Variants in USO1 observed in about 807,000 individuals in gnomAD.
USO1 encodes general vesicular transport factor p115.
In USO1, 57 loss-of-function variants were observed where a neutral mutation model predicts 124.5. That is an observed-to-expected ratio of 0.46 (90% CI 0.37 to 0.57). USO1 has a LOEUF of 0.57. Among genes scored for constraint, USO1 ranks in the 20% least tolerant of loss-of-function variants. USO1 has a pLI of 0.00. For synonymous variants in USO1, 369 were observed against 362.8 expected, an observed-to-expected ratio of 1.02 and a Z score of -0.19; for missense variants, 900 against 1,040.6, an observed-to-expected ratio of 0.86 and a Z score of 1.86.
intron 21 of USO1, among the ~76,000 whole-genome samples, chr4:75,809,482 TAAC>T (rs1577977218): frequency 1.3e-5 from 2 of 152,304 alleles, no homozygotes; most frequent in Admixed American, 6.5e-5. Flanking sequence ...CTCTCACATT[TAAC>T]TTTAAGCAAC....
At position 75,805,163 on chromosome 4, in the gene USO1, T is replaced by C. The variant is rs1722957175; in HGVS notation, c.2149T>C (p.Ser717Pro). The C allele has an allele frequency of 6.2e-7, 1 of 1,604,554 alleles. No homozygotes were observed. Among genetic ancestry groups the C allele is most frequent in the Admixed American group, 1.7e-5 (1 of 58,264 alleles). The change falls in exon 19 of 24, where the codon TCT becomes CCT. Residue 717 changes from serine (S) to proline (P), a missense_variant. By Grantham distance (74) the Ser-to-Pro change is moderately conservative. Coordinates refer to ENST00000514213, the MANE Select transcript of USO1 (RefSeq NM_003715.4). The stretch of plus-strand genomic sequence containing the variant: ...AGGAAAAGACAATCAGCATCAAGGT[T>C]CTTACAGTGAGGGGGCTCAGATGAA... ...QLGKDNQHQG[S>P]YSEGAQMNGI...
intron 8 of USO1, among the ~76,000 whole-genome samples, chr4:75,782,416 G>A (rs1269012851): frequency 6.6e-6 from 1 of 152,178 alleles, no homozygotes; most frequent in African/African-American, 2.4e-5. Context: ...CTGAAGAAAT[G>A]ATGTTTAAGC....
intron 19 of USO1, 72 bp downstream of exon 19, chr4:75,805,375 T>TTTC: frequency 2.9e-6 from 4 of 1,375,210 alleles, no homozygotes; most frequent in South Asian, 1.6e-5. Context: ...TTTTTTTTTT[T>TTTC]CCTTGGATCT....
At chr4:75,793,270 C>T (rs1002900621) in intron 12 of USO1, among the ~76,000 whole-genome samples, 31 of 138,908 alleles carry the variant, frequency 2.2e-4, no homozygotes, top group Non-Finnish European at 3.5e-4. Context: ...AGTGCAGTGG[C>T]GCAGTCCATA....
At chr4:75,810,793 C>T (rs900424064) in intron 22 of USO1, among the ~76,000 whole-genome samples, 4 of 152,096 alleles carry the variant, frequency 2.6e-5, no homozygotes, top group Non-Finnish European at 5.9e-5. Context: ...TACAGTGGCG[C>T]GATCTCGGCT....
At chr4:75,795,173 A>G (rs910220342) in intron 13 of USO1, among the ~76,000 whole-genome samples, 2 of 152,182 alleles carry the variant, frequency 1.3e-5, no homozygotes, top group African/African-American at 4.8e-5. Context: ...TGTATCCTCT[A>G]ACTTTTTATT....
chr4:75,739,538 C>CTTTTTTTTTTTTTTTTTTTTT (rs753369609), intron 1 of USO1, among the ~76,000 whole-genome samples: 2 of 105,420 alleles, frequency 1.9e-5, no homozygotes, highest in Non-Finnish European at 3.7e-5. Flanking sequence ...TTATCTTTTT[C>CTTTTTTTTTTTTTTTTTTTTT]TTTTTTTTTT....
chr4:75,740,305 A>G (rs762937083), intron 1 of USO1, among the ~76,000 whole-genome samples: 24 of 152,168 alleles, frequency 1.6e-4, no homozygotes, highest in Non-Finnish European at 2.6e-4. Context: ...TTTTGTTTTT[A>G]GAGATGGAGT....
intron 1 of USO1, among the ~76,000 whole-genome samples, chr4:75,738,420 G>A (rs1409465504): frequency 1.3e-5 from 2 of 151,764 alleles, no homozygotes; most frequent in Non-Finnish European, 2.9e-5. Context: ...TCACTCCATT[G>A]CACTCCAGCC....
intron 4 of USO1, 58 bp downstream of exon 4, chr4:75,757,631 TA>T (rs1721485621): frequency 7.5e-7 from 1 of 1,328,380 alleles, no homozygotes; most frequent in South Asian, 1.9e-5. Context: ...TGGGTTGTGC[TA>T]ATTTTGCTGG....
chr4:75,811,514 T>A (rs1201795184), intron 22 of USO1, among the ~76,000 whole-genome samples: 1 of 152,170 alleles, frequency 6.6e-6, no homozygotes, highest in East Asian at 1.9e-4. Flanking sequence ...GGAGTACAAA[T>A]TTAGCTAATA....
At position 75,799,580 on chromosome 4, in the gene USO1, A is replaced by G. The variant is rs1045473638; in HGVS notation, c.1453-42A>G. 6 of 1,604,582 alleles carry G rather than the reference A, an allele frequency of 3.7e-6. No homozygotes were observed. In the African/African-American group the frequency reaches 5.4e-5, roughly 14 times the overall value. On this transcript the variant is annotated intron_variant, in intron 13 of 23. Transcript: ENST00000514213. ...TAGGGCAACTTTAAGTTTGAAAAAT[A>G]TAAAATGAATGGAAAGATTTCTACC...
At chr4:75,813,114 A>T in intron 23 of USO1, 92 bp from the exon 24 acceptor site, 1 of 666,246 alleles carries the variant, frequency 1.5e-6, no homozygotes, top group South Asian at 4.3e-5. Flanking sequence ...TCCATCTCAG[A>T]AAAAAAAAAA....
At chr4:75,733,030 G>A (rs1418835373) in intron 1 of USO1, among the ~76,000 whole-genome samples, 1 of 151,612 alleles carries the variant, frequency 6.6e-6, no homozygotes, top group African/African-American at 2.4e-5. Flanking sequence ...GGAGGCCGAG[G>A]CGGGCAGATT....
At chr4:75,736,778 A>G (rs1036717136) in intron 1 of USO1, among the ~76,000 whole-genome samples, 1 of 152,222 alleles carries the variant, frequency 6.6e-6, no homozygotes, top group East Asian at 1.9e-4. Flanking sequence ...TGTTTCTCAG[A>G]GCACCTAATA....
chr4:75,741,601 CTTTTTTT>C (rs34702586), intron 1 of USO1, among the ~76,000 whole-genome samples: 12 of 78,858 alleles, frequency 1.5e-4, no homozygotes, highest in African/African-American at 6.4e-4. Flanking sequence ...ACTTTTTAAA[CTTTTTTT>C]TTTTTTTTTT....
chr4:75,735,225 T>G (rs1318353187), intron 1 of USO1, among the ~76,000 whole-genome samples: 1 of 152,174 alleles, frequency 6.6e-6, no homozygotes, highest in Non-Finnish European at 1.5e-5. Context: ...CATTCTTGAT[T>G]TGGCTCTCAG....
At chr4:75,770,586 T>C in intron 5 of USO1, 47 bp downstream of exon 5, 1 of 1,524,846 alleles carries the variant, frequency 6.6e-7, no homozygotes, top group Non-Finnish European at 8.8e-7. Context: ...AAGCTGCTTT[T>C]GTTGCCTTTT....
chr4:75,734,248 C>T (rs1720723919), intron 1 of USO1, among the ~76,000 whole-genome samples: 1 of 151,764 alleles, frequency 6.6e-6, no homozygotes, highest in Non-Finnish European at 1.5e-5. Context: ...CCAGCCTCTT[C>T]TCGGCTTTTT....
Sources: allele counts gnomAD v4.1 joint callset (sites outside exome capture counted in the v4.1 genomes callset), GRCh38; gene constraint gnomAD v4.1.1; transcripts MANE v1.5; gene names NCBI Gene and HGNC (gene_info 2026-07-23, HGNC 2026-07-21).